Variants in SPAG1 observed in about 807,000 individuals in gnomAD.
SPAG1 encodes the protein sperm-associated antigen 1.
Under a neutral mutation model 100.5 loss-of-function variants are expected in SPAG1, and 69 were observed. The observed-to-expected ratio is 0.69, with a 90% CI of 0.57 to 0.84. The LOEUF (loss-of-function observed/expected upper bound fraction) is 0.84. Among genes scored for constraint, SPAG1 ranks in the 40% least tolerant of loss-of-function variants. SPAG1 has a pLI of 0.00. For synonymous variants in SPAG1, 336 were observed against 411.6 expected, an observed-to-expected ratio of 0.82 and a Z score of 2.22; for missense variants, 955 against 1,133.1, an observed-to-expected ratio of 0.84 and a Z score of 2.26.
At position 100,225,319 on chromosome 8, in the gene SPAG1, A is replaced by G; in HGVS notation, c.1835A>G (p.His612Arg). 6.2e-7 allele frequency: 1 copy of G among 1,613,772 alleles called. No individual in the cohort carries two copies. The highest frequency in any genetic ancestry group is 8.5e-7 in the Non-Finnish European group (1 of 1,179,984). The part of the protein sequence containing the change: ...ISKQAGDSSS[H>R]RQQGITDEKT... ...AAACAAGCAGGAGACTCCAGCAGCC[A>G]TCGCCAGCAGGGCATCACAGGTGGG... The change falls in exon 14 of 19, where the codon CAT becomes CGT. Residue 612 changes from histidine (H) to arginine (R), a missense_variant. Transcript: ENST00000388798.
Position 100,184,544 on chromosome 8 carries a change from G to GTTAT in SPAG1, c.596-81_596-80insTTTA. 1.1e-5 allele frequency: 7 copies of GTTAT among 630,190 alleles called. No homozygotes were observed. In the Middle Eastern group the frequency reaches 1.9e-3, roughly 167 times the overall value. The allele number at this position is 630,190 out of a possible 1,614,324, so 39.0% of individuals were successfully genotyped here. On this transcript the variant is annotated intron_variant, in intron 6 of 18. Coordinates refer to ENST00000388798, the MANE Select transcript of SPAG1 (RefSeq NM_003114.5). The stretch of plus-strand genomic sequence containing the variant: ...GATCTTTCTGCTTTCTTCTGCTTCT[G>GTTAT]TTAAAATAAGCATTCTTAGATTTAA...
At chr8:100,222,357 C>T (rs12056851) in intron 13 of SPAG1, among the ~76,000 whole-genome samples, 10,790 of 152,144 alleles carry the variant, frequency 0.071, 403 homozygotes, top group Non-Finnish European at 0.082. Flanking sequence ...TAGCTGTAGC[C>T]GGTGTTCCCT....
At chr8:100,200,071 A>T (rs1817206793) in intron 10 of SPAG1, among the ~76,000 whole-genome samples, 3 of 152,098 alleles carry the variant, frequency 2.0e-5, no homozygotes, top group African/African-American at 7.2e-5. Context: ...TACATTAGGT[A>T]TATCTCCTAA....
At chr8:100,191,743 A>G (rs1355869363) in intron 9 of SPAG1, among the ~76,000 whole-genome samples, 3 of 152,036 alleles carry the variant, frequency 2.0e-5, no homozygotes, top group African/African-American at 7.2e-5. Context: ...TCTTTTTCCT[A>G]TAGTGTTGTA....
At chr8:100,223,927 G>A (rs549445499) in intron 13 of SPAG1, among the ~76,000 whole-genome samples, 1 of 152,004 alleles carries the variant, frequency 6.6e-6, no homozygotes, top group African/African-American at 2.4e-5. Context: ...GAAATTATGT[G>A]CATTACATTT....
At chr8:100,203,181 T>C (rs898533205) in intron 10 of SPAG1, among the ~76,000 whole-genome samples, 20 of 152,292 alleles carry the variant, frequency 1.3e-4, no homozygotes, top group Admixed American at 6.5e-4. Context: ...GCCTACATCT[T>C]TCTCCCGTGC....
chr8:100,175,068 C>T (rs1342413272), intron 3 of SPAG1, among the ~76,000 whole-genome samples: 1 of 151,324 alleles, frequency 6.6e-6, no homozygotes, highest in Admixed American at 6.6e-5. Flanking sequence ...ACAGTACAGC[C>T]TATAACTCTT....
At chr8:100,190,663 C>CTTTTTTT (rs758612610) in intron 8 of SPAG1, among the ~76,000 whole-genome samples, 3 of 111,802 alleles carry the variant, frequency 2.7e-5, no homozygotes, top group East Asian at 2.7e-4. Context: ...CTTTTTTTTT[C>CTTTTTTT]TTTTTTTTTT....
intron 10 of SPAG1, among the ~76,000 whole-genome samples, chr8:100,196,911 T>C (rs1220266752): frequency 6.6e-6 from 1 of 151,918 alleles, no homozygotes; most frequent in East Asian, 1.9e-4. Context: ...TTTATGTTCA[T>C]TTGCTTCTCT....
rs777997966 is a variant in SPAG1 at position 100,239,105 on chromosome 8, C to T, written c.2116-135C>T. Reference sequence around the variant, plus strand: ...CAGCTGCATATTCACCCCACAGGCTCACTTTGTAAGAGTGGTATTAATGTG... The same window carrying T: ...CAGCTGCATATTCACCCCACAGGCTTACTTTGTAAGAGTGGTATTAATGTG... On this transcript the variant is annotated intron_variant, in intron 16 of 18. Coordinates refer to ENST00000388798, the MANE Select transcript of SPAG1 (RefSeq NM_003114.5). The surrounding 1 kb of genome is among the most constrained non-coding windows in gnomAD (Gnocchi z 5.0). 2.7e-5 allele frequency: 13 copies of T among 483,242 alleles called. No homozygotes were observed. Among genetic ancestry groups the T allele is most frequent in the Non-Finnish European group, 3.7e-6 (1 of 271,918 alleles). The allele number at this position is 483,242 out of a possible 1,614,324, so 29.9% of individuals were successfully genotyped here.
chr8:100,173,033 C>CTTT lies in SPAG1; in HGVS notation c.301-4758_301-4756dup, dbSNP rs149257955. Among the ~76,000 whole-genome samples the CTTT allele has an allele frequency of 4.2e-4, 27 of 63,658 alleles. 2 individuals carry two copies. Among genetic ancestry groups the CTTT allele is most frequent in the East Asian group, 1.1e-3 (2 of 1,894 alleles). 41.8% of individuals were successfully genotyped at this position (63,658 alleles called of 152,430 possible). ...GTGTCTTTGCTCTTCTTGACCACTT[C>CTTT]TTTTTTTTTTTTTTTTTTTTTTTTT... On this transcript the variant is annotated intron_variant, in intron 3 of 18. Transcript: ENST00000388798.
At chr8:100,226,215 T>C (rs1818506929) in intron 14 of SPAG1, among the ~76,000 whole-genome samples, 1 of 152,108 alleles carries the variant, frequency 6.6e-6, no homozygotes. Flanking sequence ...CATGCTGGTC[T>C]CAAATTCCAG....
At chr8:100,204,759 G>A (rs1817434735) in intron 10 of SPAG1, among the ~76,000 whole-genome samples, 1 of 152,116 alleles carries the variant, frequency 6.6e-6, no homozygotes, top group African/African-American at 2.4e-5. Context: ...TGTGAGGGGA[G>A]CACCTGCATC....
intron 10 of SPAG1, 171 bp downstream of exon 10, chr8:100,194,439 T>C: frequency 1.1e-6 from 1 of 887,100 alleles, no homozygotes; most frequent in Non-Finnish European, 1.7e-6. Context: ...CTTGGTAGAA[T>C]CTCTCAAACC....
At chr8:100,224,662 A>G (rs1316776579) in intron 13 of SPAG1, among the ~76,000 whole-genome samples, 1 of 152,244 alleles carries the variant, frequency 6.6e-6, no homozygotes, top group Non-Finnish European at 1.5e-5. Flanking sequence ...CATTATTCAC[A>G]TGACAGCGAG....
chr8:100,190,667 T>TC (rs1414311438), intron 8 of SPAG1, among the ~76,000 whole-genome samples: 9 of 143,594 alleles, frequency 6.3e-5, no homozygotes, highest in African/African-American at 7.8e-5. Context: ...TTTTTTCTTT[T>TC]TTTTTTTTTT....
chr8:100,224,781 T>C (rs1818434086), intron 13 of SPAG1, among the ~76,000 whole-genome samples: 1 of 152,196 alleles, frequency 6.6e-6, no homozygotes, highest in Non-Finnish European at 1.5e-5. Flanking sequence ...AAAATACTTC[T>C]GATCATTCTC....
At chr8:100,189,309 C>G (rs944164540) in intron 8 of SPAG1, among the ~76,000 whole-genome samples, 1 of 152,028 alleles carries the variant, frequency 6.6e-6, no homozygotes, top group African/African-American at 2.4e-5. Flanking sequence ...AACTCCATCT[C>G]TACTAAAAAC....
intron 14 of SPAG1, among the ~76,000 whole-genome samples, chr8:100,228,093 C>T (rs935945621): frequency 3.3e-5 from 5 of 152,016 alleles, no homozygotes; most frequent in African/African-American, 1.2e-4. Flanking sequence ...ATCCTTCTGC[C>T]TCAACCTCTG....
Sources: gnomAD v4.1 joint callset for allele counts (sites outside exome capture counted in the v4.1 genomes callset) on GRCh38, gnomAD v4.1.1 for gene constraint, Gnocchi (gnomAD v3.1) non-coding constraint, MANE v1.5 for transcripts, NCBI Gene and HGNC (gene_info 2026-07-23, HGNC 2026-07-21) for gene names.